The following NCKAP5 variants were observed in gnomAD, a reference collection of about 807,000 sequenced individuals.
NCKAP5 encodes the protein nck-associated protein 5.
Under a neutral mutation model 167.0 loss-of-function variants are expected in NCKAP5, and 92 were observed. That is an observed-to-expected ratio of 0.55 (90% CI 0.47 to 0.66). The LOEUF (loss-of-function observed/expected upper bound fraction) is 0.66. NCKAP5 is among the 30% of genes least tolerant of loss of function. The pLI is 0.00. For synonymous variants in NCKAP5, 891 were observed against 877.4 expected, an observed-to-expected ratio of 1.02 and a Z score of -0.27; for missense variants, 2,378 against 2,315.0, an observed-to-expected ratio of 1.03 and a Z score of -0.56.
At chr2:133,136,927 C>T (rs1312518437) in intron 5 of NCKAP5, among the ~76,000 whole-genome samples, 2 of 152,128 alleles carry the variant, frequency 1.3e-5, no homozygotes, top group South Asian at 4.1e-4. Flanking sequence ...TAATTCTCTC[C>T]CTACCTATTG....
At chr2:133,100,912 T>A (rs2149678258) in intron 6 of NCKAP5, among the ~76,000 whole-genome samples, 1 of 152,318 alleles carries the variant, frequency 6.6e-6, no homozygotes, top group East Asian at 1.9e-4. Context: ...TTTAATTAGA[T>A]CCCATTTGTC....
chr2:133,511,017 G>A (rs892741440), intron 3 of NCKAP5, among the ~76,000 whole-genome samples: 7 of 152,308 alleles, frequency 4.6e-5, no homozygotes, highest in Admixed American at 4.6e-4. Context: ...CTATTACTAA[G>A]GGAAGGAAGC....
At chr2:132,675,314 G>C (rs1282379470) in intron 19 of NCKAP5, among the ~76,000 whole-genome samples, 2 of 152,180 alleles carry the variant, frequency 1.3e-5, no homozygotes, top group Non-Finnish European at 2.9e-5. Context: ...TCCTTCTTCA[G>C]GTGTAAAATG....
chr2:133,071,450 AC>A (rs1236135217), intron 6 of NCKAP5, among the ~76,000 whole-genome samples: 15 of 152,272 alleles, frequency 9.9e-5, no homozygotes, highest in African/African-American at 3.4e-4. Flanking sequence ...GTCTCAAAAA[AC>A]AAAAAACAAA....
chr2:133,108,117 T>A (rs888017061), intron 6 of NCKAP5, among the ~76,000 whole-genome samples: 29 of 146,592 alleles, frequency 2.0e-4, no homozygotes, highest in African/African-American at 8.0e-4. Flanking sequence ...CTTAGTTTGC[T>A]GTTTTCTGTG....
At chr2:133,651,811 T>C in the NCKAP5 span, among the ~76,000 whole-genome samples, 4 of 152,226 alleles carry the variant, frequency 2.6e-5, no homozygotes, top group African/African-American at 7.2e-5. Context: ...CAATGGAATA[T>C]CATTCAGCCT....
At chr2:133,048,440 A>G (rs919669200) in intron 6 of NCKAP5, among the ~76,000 whole-genome samples, 1 of 152,206 alleles carries the variant, frequency 6.6e-6, no homozygotes. Context: ...ATAATTACTA[A>G]CATTCTAGTG....
chr2:132,906,402 T>C (rs530538612), intron 8 of NCKAP5, among the ~76,000 whole-genome samples: 18 of 152,296 alleles, frequency 1.2e-4, no homozygotes, highest in African/African-American at 4.3e-4. Context: ...GATTATACTG[T>C]AAAGAGAGAG....
the NCKAP5 span, among the ~76,000 whole-genome samples, chr2:133,593,944 C>A: frequency 6.6e-6 from 1 of 152,226 alleles, no homozygotes; most frequent in African/African-American, 2.4e-5. Context: ...CTAGGCAGGT[C>A]CCCTCCGAAG....
intron 6 of NCKAP5, among the ~76,000 whole-genome samples, chr2:133,047,130 C>A (rs753857223): frequency 2.0e-5 from 3 of 152,210 alleles, no homozygotes; most frequent in African/African-American, 7.2e-5. Flanking sequence ...ATGATGATTG[C>A]AAACTGTACA....
intron 14 of NCKAP5, 102 bp from the exon 15 acceptor site, chr2:132,781,331 T>C: frequency 8.8e-7 from 1 of 1,141,466 alleles, no homozygotes; most frequent in Middle Eastern, 2.5e-4. Flanking sequence ...TCTTTGTAGC[T>C]CTTTGTCTTT....
chr2:133,296,790 C>T lies in NCKAP5; in HGVS notation c.143+6247G>A, dbSNP rs889667209. Among the ~76,000 whole-genome samples the T allele has an allele frequency of 1.8e-4, 27 of 152,158 alleles. 1 individual carries two copies. The highest frequency in any genetic ancestry group is 7.3e-5 in the Non-Finnish European group (5 of 68,028). ...ACAAGAGTCCAAGTCCCCAAAACCT[C>T]CAGTCCAGTTTTCTTCCTATTGTGT... On this transcript the variant is annotated intron_variant, in intron 4 of 19. Transcript: ENST00000409261.
At chr2:133,057,812 A>C (rs114787596) in intron 6 of NCKAP5, among the ~76,000 whole-genome samples, 2,001 of 152,372 alleles carry the variant, frequency 0.013, 54 homozygotes, top group African/African-American at 0.046. Flanking sequence ...TACACTAAAC[A>C]ATAGATTTTT....
chr2:132,700,929 G>A (rs923370231), intron 19 of NCKAP5, among the ~76,000 whole-genome samples: 1 of 87,322 alleles, frequency 1.1e-5, no homozygotes, highest in African/African-American at 7.0e-5. Context: ...AATCCCCTGG[G>A]CGGGGGGGGG....
At chr2:133,128,682 C>T (rs1181810502) in intron 6 of NCKAP5, among the ~76,000 whole-genome samples, 1 of 151,986 alleles carries the variant, frequency 6.6e-6, no homozygotes, top group Non-Finnish European at 1.5e-5. Context: ...ACTGCAAACT[C>T]CACCTCCTGG....
chr2:133,595,452 T>C, the NCKAP5 span, among the ~76,000 whole-genome samples: 2 of 151,814 alleles, frequency 1.3e-5, no homozygotes, highest in Non-Finnish European at 2.9e-5. Context: ...CCTTTTCCTC[T>C]CTTCCTCCTC....
chr2:132,730,268 C>T (rs150510425), intron 17 of NCKAP5, among the ~76,000 whole-genome samples: 11 of 152,104 alleles, frequency 7.2e-5, no homozygotes, highest in South Asian at 2.1e-4. Context: ...CCAAGGCAGG[C>T]GGATCACCTG....
In NCKAP5 at chr2:132,673,212, C is replaced by A; in HGVS notation, c.*77G>T. On this transcript the variant is annotated 3_prime_UTR_variant, in exon 20 of 20. Transcript: ENST00000409261. Reference sequence around the variant, plus strand: ...TTCTTCTCTTTTTCTAATAAAATCACAGTATTGCTGTTAAATTTATTGAAT... The same window carrying A: ...TTCTTCTCTTTTTCTAATAAAATCAAAGTATTGCTGTTAAATTTATTGAAT... 6.9e-7 allele frequency: 1 copy of A among 1,439,654 alleles called. No homozygotes were observed. Among genetic ancestry groups the A allele is most frequent in the East Asian group, 2.7e-5 (1 of 36,996 alleles). The allele number at this position is 1,439,654 out of a possible 1,614,324, so 89.2% of individuals were successfully genotyped here.
chr2:132,752,615 T>G lies in NCKAP5; in HGVS notation c.5129-20564A>C, dbSNP rs192360646. 1.5e-4 allele frequency among the ~76,000 whole-genome samples: 23 copies of G among 152,338 alleles called. 1 individual carries two copies. Among genetic ancestry groups the G allele is most frequent in the African/African-American group, 5.5e-4 (23 of 41,582 alleles). On this transcript the variant is annotated intron_variant, in intron 16 of 19. Transcript: ENST00000409261. ...AGCAAACATGGAAAGATGACAGCAA[T>G]TCAACTTCCTCTAGTTGATATTCTA...
Sources: allele counts gnomAD v4.1 joint callset (sites outside exome capture counted in the v4.1 genomes callset), GRCh38; gene constraint gnomAD v4.1.1; transcripts MANE v1.5; gene names NCBI Gene and HGNC (gene_info 2026-07-23, HGNC 2026-07-21).